The following RANBP1 variants were observed in gnomAD, a reference collection of about 807,000 sequenced individuals.
RANBP1 encodes RAN binding protein 1.
In RANBP1, 16 loss-of-function variants were observed where a neutral mutation model predicts 31.4. The ratio of observed to expected loss-of-function variants is 0.51; its 90% CI spans 0.34 to 0.77. The LOEUF (loss-of-function observed/expected upper bound fraction) is 0.77, where lower values mean the gene tolerates loss of function less well. RANBP1 is among the 30% of genes least tolerant of loss of function. The pLI is 0.01. For synonymous variants in RANBP1, 129 were observed against 140.5 expected, an observed-to-expected ratio of 0.92 and a Z score of 0.58; for missense variants, 265 against 362.0, an observed-to-expected ratio of 0.73 and a Z score of 2.17.
intron 1 of RANBP1, 149 bp from the exon 2 acceptor site, chr22:20,118,864 T>G: frequency 7.0e-6 from 5 of 715,600 alleles, no homozygotes; most frequent in Non-Finnish European, 9.2e-6. Flanking sequence ...TGTGGAAGAG[T>G]GGGCCTAATT....
intron 1 of RANBP1, chr22:20,117,694 G>T: frequency 1.8e-6 from 2 of 1,125,606 alleles, no homozygotes; most frequent in South Asian, 8.7e-5. Flanking sequence ...GGGACAGGGT[G>T]GGCGGGCGGG....
chr22:20,118,939 T>C lies in RANBP1; in HGVS notation c.247-74T>C. ...CCTTCATTGTCGGAGGGCTGACCAC[T>C]GCAGGCACTGGTTGGGCTCTGGTTG... On this transcript the variant is annotated intron_variant, in intron 1 of 5. Coordinates refer to ENST00000430524, the MANE Select transcript of RANBP1 (RefSeq NM_001278639.2). 2.0e-6 allele frequency: 3 copies of C among 1,513,522 alleles called. No individual in the cohort carries two copies. The Admixed American group carries it at 5.7e-5, about 29-fold the overall frequency. 93.8% of individuals were successfully genotyped at this position (1,513,522 alleles called of 1,614,324 possible). A position where few individuals can be genotyped will look rare whatever the true frequency, so the allele number is the denominator to read the frequency against.
chr22:20,122,628 G>T (rs760311835), intron 3 of RANBP1: 2 of 1,515,620 alleles, frequency 1.3e-6, no homozygotes, highest in South Asian at 2.4e-5. Flanking sequence ...TAGAGCACAC[G>T]GGGGTGTGGA....
At chr22:20,126,216 C>G (rs2050293714) in intron 4 of RANBP1, 87 bp from the exon 5 acceptor site, 2 of 1,466,926 alleles carry the variant, frequency 1.4e-6, no homozygotes, top group Non-Finnish European at 9.3e-7. Flanking sequence ...AATGGGTCTT[C>G]TGTGAATCCT....
rs1602527999 is a variant in RANBP1 at position 20,117,300 on chromosome 22, G to T, written c.246+870G>T. 4 of 863,380 alleles carry T rather than the reference G, an allele frequency of 4.6e-6. No individual in the cohort carries two copies. The Middle Eastern group carries it at 1.2e-3, about 264-fold the overall frequency. 53.5% of individuals were successfully genotyped at this position (863,380 alleles called of 1,614,324 possible). A position where few individuals can be genotyped will look rare whatever the true frequency, so the allele number is the denominator to read the frequency against. ...AACCACTTTAGCCAGCTCTAGAGGC[G>T]CGCGTGGCCGGGACGGAAGTGCGCG... On this transcript the variant is annotated intron_variant, in intron 1 of 5. Transcript: ENST00000430524.
At chr22:20,120,379 C>G (rs2050147086) in intron 2 of RANBP1, among the ~76,000 whole-genome samples, 1 of 152,204 alleles carries the variant, frequency 6.6e-6, no homozygotes, top group African/African-American at 2.4e-5. Context: ...TGCCTCTGTT[C>G]CCTCACTGCC....
chr22:20,126,942 G>T lies in RANBP1; in HGVS notation c.737-10G>T. ...CTTCTGTTTTCTCACTGTGCTGCTT[G>T]TGTTTTTAGCAGGATCAGGCAAAAA... is the stretch of plus-strand genomic sequence containing the variant. On this transcript the variant is annotated splice_polypyrimidine_tract_variant and intron_variant, in intron 5 of 5. Transcript: ENST00000430524. The T allele has an allele frequency of 6.2e-7, 1 of 1,611,996 alleles. No homozygotes were observed. Among genetic ancestry groups the T allele is most frequent in the Non-Finnish European group, 8.5e-7 (1 of 1,179,102 alleles).
chr22:20,116,840 C>A, intron 1 of RANBP1: 1 of 1,588,106 alleles, frequency 6.3e-7, no homozygotes, highest in Non-Finnish European at 8.6e-7. Context: ...CCGCCTCCTC[C>A]CACCCCATCC....
chr22:20,118,349 T>A (rs1193717471), intron 1 of RANBP1: 1 of 1,001,948 alleles, frequency 1.0e-6, no homozygotes, highest in African/African-American at 1.7e-5. Flanking sequence ...TAAAATATGA[T>A]TATTGGTGCT....
At chr22:20,122,153 C>T (rs1429354492) in intron 2 of RANBP1, 111 bp from the exon 3 acceptor site, 16 of 1,214,064 alleles carry the variant, frequency 1.3e-5, no homozygotes, top group Admixed American at 6.7e-5. Flanking sequence ...AGGGCTGGGG[C>T]GTTCGTGGAG....
intron 2 of RANBP1, among the ~76,000 whole-genome samples, chr22:20,120,942 G>C (rs575426594): frequency 6.6e-6 from 1 of 152,320 alleles, no homozygotes; most frequent in East Asian, 1.9e-4. Flanking sequence ...GCAGATCTCT[G>C]GGGCTGGGGT....
Position 20,116,445 on chromosome 22 carries a change from C to T in RANBP1, c.246+15C>T, listed in dbSNP as rs765899970. 1.9e-6 allele frequency: 3 copies of T among 1,612,826 alleles called. No individual in the cohort carries two copies. The highest frequency in any genetic ancestry group is 2.5e-6 in the Non-Finnish European group (3 of 1,179,880). On this transcript the variant is annotated intron_variant, in intron 1 of 5. Transcript: ENST00000430524. ...AGATCTCAGAGGTAAACAAGTCATC[C>T]CTGATGTAGCTGTAGAGCCCGGGCT...
chr22:20,121,162 T>C (rs550108524), intron 2 of RANBP1, among the ~76,000 whole-genome samples: 33 of 152,096 alleles, frequency 2.2e-4, no homozygotes, highest in Non-Finnish European at 3.1e-4. Flanking sequence ...ACCGAGTTAG[T>C]CAGGATGGTC....
chr22:20,122,199 C>G, intron 2 of RANBP1, 65 bp from the exon 3 acceptor site: 2 of 1,565,810 alleles, frequency 1.3e-6, no homozygotes, highest in South Asian at 1.2e-5. Flanking sequence ...GTCCTGTGTC[C>G]TCCTGCGCAG....
rs1568974368 is a variant in RANBP1, at chr22:20,116,122, A to ACCACGTCGG, written c.-58_-50dup. On this transcript the variant is annotated 5_prime_UTR_variant, in exon 1 of 6. Coordinates refer to ENST00000430524, the MANE Select transcript of RANBP1 (RefSeq NM_001278639.2). Reference sequence around the variant, plus strand: ...ATAGGGCACTGTCCATAGAGGGGTCACCACGTCGGCCACTCGTGTTACTGG... The same window carrying ACCACGTCGG: ...ATAGGGCACTGTCCATAGAGGGGTCACCACGTCGGCCACGTCGGCCACTCGTGTTACTGG... The ACCACGTCGG allele has an allele frequency of 1.2e-6, 2 of 1,612,616 alleles. No individual in the cohort carries two copies. The highest frequency in any genetic ancestry group is 3.3e-5 in the Admixed American group (2 of 60,000).
At chr22:20,118,008 T>C (rs1423294313) in intron 1 of RANBP1, 1 of 995,040 alleles carries the variant, frequency 1.0e-6, no homozygotes, top group Non-Finnish European at 1.2e-6. Context: ...CACTTGGGGC[T>C]CCCCACTAGT....
intron 3 of RANBP1, chr22:20,122,757 G>GTGTT (rs1290314902): frequency 1.0e-6 from 1 of 997,634 alleles, no homozygotes; most frequent in African/African-American, 2.8e-5. Context: ...GTGTGTGTGT[G>GTGTT]TGTGTGGTGT....
At chr22:20,117,631 C>T (rs2050067260) in intron 1 of RANBP1, 3 of 1,264,014 alleles carry the variant, frequency 2.4e-6, no homozygotes, top group Admixed American at 8.5e-5. Context: ...AGCCGAGCCG[C>T]CGCCGCCGCC....
At chr22:20,123,510 T>C in intron 3 of RANBP1, among the ~76,000 whole-genome samples, 1 of 126,140 alleles carries the variant, frequency 7.9e-6, no homozygotes, top group Middle Eastern at 4.1e-3. Context: ...GTGAGAGAGA[T>C]TGGGGGTGTT....
Sources: allele counts gnomAD v4.1 joint callset (sites outside exome capture counted in the v4.1 genomes callset), GRCh38; gene constraint gnomAD v4.1.1; transcripts MANE v1.5; gene names NCBI Gene and HGNC (gene_info 2026-07-23, HGNC 2026-07-21).